Variants in FAT3 observed in about 807,000 individuals in gnomAD.
FAT3 encodes FAT atypical cadherin 3, also known as protocadherin Fat 3.
In FAT3, 95 loss-of-function variants were observed where a neutral mutation model predicts 310.2. The observed-to-expected ratio is 0.31, with a 90% confidence interval of 0.26 to 0.36. The LOEUF (loss-of-function observed/expected upper bound fraction) is 0.36. FAT3 is among the 10% of genes least tolerant of loss of function. The probability of loss-of-function intolerance (pLI) is 1.00; values close to 1 mark genes in which losing one functional copy is unlikely to be tolerated. For synonymous variants in FAT3, 2,314 were observed against 2,192.9 expected (o/e 1.06, Z -1.54); for missense variants, 5,408 against 5,715.6 (o/e 0.95, Z 1.74).
At chr11:92,289,050 G>C (rs1482928431) in intron 1 of FAT3, among the ~76,000 whole-genome samples, 1 of 152,074 alleles carries the variant, frequency 6.6e-6, no homozygotes, top group Non-Finnish European at 1.5e-5. Context: ...ATTGGCTGGG[G>C]GTCAGAGGAC....
chr11:92,323,113 GTT>G (rs752428888), intron 1 of FAT3, among the ~76,000 whole-genome samples: 2 of 152,158 alleles, frequency 1.3e-5, no homozygotes, highest in Non-Finnish European at 2.9e-5. Flanking sequence ...TGGATGTTGT[GTT>G]AGCAGGCATG....
chr11:92,422,027 C>G lies in FAT3; in HGVS notation c.3292+66623C>G, dbSNP rs558450270. Among the ~76,000 whole-genome samples, 4 of 152,250 alleles carry G rather than the reference C, an allele frequency of 2.6e-5. No homozygotes were observed. In the East Asian group the frequency reaches 7.7e-4, roughly 29 times the overall value. On this transcript the variant is annotated intron_variant, in intron 2 of 27. Transcript: ENST00000525166. ...TACAGGCTGTGAGCTGTACCTGGTG[C>G]CCCTTTGTCTGTAAGTGAGCAAACC...
chr11:92,540,156 G>T (rs2135408828), intron 3 of FAT3, among the ~76,000 whole-genome samples: 1 of 152,216 alleles, frequency 6.6e-6, no homozygotes, highest in South Asian at 2.1e-4. Flanking sequence ...CTGTTCTCAG[G>T]ACGCCTCTTT....
intron 2 of FAT3, among the ~76,000 whole-genome samples, chr11:92,510,923 G>A (rs759616446): frequency 6.1e-4 from 93 of 152,354 alleles, no homozygotes; most frequent in Middle Eastern, 6.8e-3. Flanking sequence ...TCCTCATGAG[G>A]AGGAGGGAAC....
chr11:92,530,202 C>T (rs1954020169), intron 3 of FAT3, among the ~76,000 whole-genome samples: 1 of 152,032 alleles, frequency 6.6e-6, no homozygotes, highest in Non-Finnish European at 1.5e-5. Context: ...AAATCCAGAC[C>T]ACACTTCAAC....
At chr11:92,395,588 T>A (rs1275862460) in intron 2 of FAT3, among the ~76,000 whole-genome samples, 4 of 151,934 alleles carry the variant, frequency 2.6e-5, no homozygotes, top group Non-Finnish European at 2.9e-5. Flanking sequence ...GTCACTTTTT[T>A]TTTTTTTTGA....
chr11:92,419,610 G>A (rs529162388), intron 2 of FAT3, among the ~76,000 whole-genome samples: 1 of 152,208 alleles, frequency 6.6e-6, no homozygotes, highest in South Asian at 2.1e-4. Flanking sequence ...TGTTGTAATA[G>A]CGCTTATCTT....
At chr11:92,491,292 A>G (rs77340994) in intron 2 of FAT3, among the ~76,000 whole-genome samples, 2,481 of 152,086 alleles carry the variant, frequency 0.016, 72 homozygotes, top group African/African-American at 0.055. Context: ...TTTATTTGCC[A>G]CAACTGGCCA....
At chr11:92,763,458 TA>T (rs111697222) in intron 5 of FAT3, among the ~76,000 whole-genome samples, 4,175 of 152,264 alleles carry the variant, frequency 0.027, 214 homozygotes, top group African/African-American at 0.095. Flanking sequence ...TTCAAGTGGA[TA>T]CTGTTGGTGT....
intron 4 of FAT3, among the ~76,000 whole-genome samples, chr11:92,716,286 G>A (rs865779143): frequency 3.3e-5 from 5 of 152,278 alleles, no homozygotes; most frequent in Non-Finnish European, 5.9e-5. Context: ...TAGCAGGCAT[G>A]TATAGACATC....
chr11:92,799,500 G>C lies in FAT3; in HGVS notation c.6487G>C (p.Gly2163Arg). ...EYGVTILAKD[G>R]GKPSLSTSVE... Reference sequence around the variant, plus strand: ...TGGAGTCACCATCCTAGCCAAGGATGGCGGAAAACCTTCTTTGTCTACATC... The same window carrying C: ...TGGAGTCACCATCCTAGCCAAGGATCGCGGAAAACCTTCTTTGTCTACATC... Residue 2163 changes from glycine to arginine, a missense_variant, in exon 10 of 28, where the codon GGC becomes CGC. This residue lies in a region of FAT3 where 4,588 missense variants were observed against 4,809.8 expected (regional missense o/e 0.95). Coordinates refer to ENST00000525166, the MANE Select transcript of FAT3 (RefSeq NM_001367949.2). The C allele has an allele frequency of 6.2e-7, 1 of 1,613,654 alleles. No individual in the cohort carries two copies. Among genetic ancestry groups the C allele is most frequent in the Non-Finnish European group, 8.5e-7 (1 of 1,179,768 alleles).
chr11:92,447,789 A>G (rs1222090793), intron 2 of FAT3, among the ~76,000 whole-genome samples: 3 of 152,116 alleles, frequency 2.0e-5, no homozygotes, highest in African/African-American at 7.2e-5. Context: ...GAAGAACCAG[A>G]ATGGCTTCTT....
chr11:92,819,257 G>T (rs1947899398), intron 13 of FAT3, among the ~76,000 whole-genome samples: 1 of 152,154 alleles, frequency 6.6e-6, no homozygotes, highest in Non-Finnish European at 1.5e-5. Context: ...AAAAAGTCTG[G>T]ACCAACAGTC....
intron 22 of FAT3, among the ~76,000 whole-genome samples, chr11:92,878,996 C>T (rs1949607274): frequency 6.6e-6 from 1 of 151,892 alleles, no homozygotes; most frequent in African/African-American, 2.4e-5. Context: ...TAAAGTACAT[C>T]ACTGCAAAAT....
At chr11:92,551,365 C>T (rs963698868) in intron 3 of FAT3, among the ~76,000 whole-genome samples, 3 of 150,036 alleles carry the variant, frequency 2.0e-5, no homozygotes, top group Admixed American at 6.7e-5. Context: ...TGCCTTCCAT[C>T]TGATTGCAAC....
intron 1 of FAT3, among the ~76,000 whole-genome samples, chr11:92,329,004 A>G (rs575369934): frequency 1.3e-4 from 20 of 152,180 alleles, no homozygotes; most frequent in Non-Finnish European, 2.1e-4. Flanking sequence ...CCTTCAAACA[A>G]TAAAGAAGAA....
intron 2 of FAT3, among the ~76,000 whole-genome samples, chr11:92,442,081 T>TTATATATATATATATATATATA (rs869247397): frequency 1.4e-5 from 1 of 69,992 alleles, no homozygotes; most frequent in African/African-American, 8.2e-5. Context: ...AATATATATT[T>TTATATATATATATATATATATA]TATATATATA....
At chr11:92,534,770 G>T (rs1954197184) in intron 3 of FAT3, among the ~76,000 whole-genome samples, 1 of 152,122 alleles carries the variant, frequency 6.6e-6, no homozygotes, top group East Asian at 1.9e-4. Context: ...CATGCCTGAA[G>T]TACCTGTAAC....
At chr11:92,373,432 T>C (rs933685196) in intron 2 of FAT3, among the ~76,000 whole-genome samples, 1 of 152,174 alleles carries the variant, frequency 6.6e-6, no homozygotes, top group African/African-American at 2.4e-5. Context: ...TTCTATCTCT[T>C]GTCCCGACCA....
Sources: allele counts gnomAD v4.1 joint callset (sites outside exome capture counted in the v4.1 genomes callset), GRCh38; gene constraint gnomAD v4.1.1; regional missense constraint gnomAD v4.1.1; transcripts MANE v1.5; gene names NCBI Gene and HGNC (gene_info 2026-07-23, HGNC 2026-07-21).